HMGXB4: variants seen among roughly 807,000 people sequenced by gnomAD.
HMGXB4 encodes the protein HMG domain-containing protein 4.
In HMGXB4, 27 loss-of-function variants were observed where a neutral mutation model predicts 63.9. The ratio of observed to expected loss-of-function variants is 0.42; its 90% CI spans 0.31 to 0.58. The LOEUF is 0.58. HMGXB4 is among the 20% of genes least tolerant of loss of function. The pLI is 0.13. For missense variants in HMGXB4, 624 were observed against 700.7 expected (o/e 0.89, Z 1.24); for synonymous variants, 264 against 265.3 (o/e 0.99, Z 0.05).
chr22:35,246,475 G>A, the HMGXB4 span, among the ~76,000 whole-genome samples: 9 of 152,116 alleles, frequency 5.9e-5, no homozygotes, highest in East Asian at 1.9e-4. Flanking sequence ...GGGTTTCACC[G>A]TGTTAGCCAG....
chr22:35,267,424 C>T (rs1471548436), intron 5 of HMGXB4, among the ~76,000 whole-genome samples: 3 of 152,094 alleles, frequency 2.0e-5, no homozygotes, highest in East Asian at 1.9e-4. Flanking sequence ...TGCTGAATGT[C>T]GGAGCACAGG....
At chr22:35,259,428 A>G (rs1185075229) in intron 1 of HMGXB4, among the ~76,000 whole-genome samples, 1 of 152,212 alleles carries the variant, frequency 6.6e-6, no homozygotes, top group East Asian at 1.9e-4. Flanking sequence ...TCCCTTTTCT[A>G]ATGTGAAAAT....
chr22:35,248,641 G>A, the HMGXB4 span, among the ~76,000 whole-genome samples: 1 of 152,036 alleles, frequency 6.6e-6, no homozygotes, highest in Non-Finnish European at 1.5e-5. Context: ...CTGAGCTCAG[G>A]CAATCCACCC....
At chr22:35,290,007 G>A (rs1172633235) in intron 9 of HMGXB4, among the ~76,000 whole-genome samples, 1 of 152,174 alleles carries the variant, frequency 6.6e-6, no homozygotes, top group Non-Finnish European at 1.5e-5. Flanking sequence ...AAGAGCTGAA[G>A]CTATATCTAA....
At chr22:35,289,229 CAGG>C (rs1924786349) in intron 9 of HMGXB4, among the ~76,000 whole-genome samples, 1 of 151,996 alleles carries the variant, frequency 6.6e-6, no homozygotes, top group South Asian at 2.1e-4. Flanking sequence ...GAGACCAAGG[CAGG>C]AGGATCGCTT....
chr22:35,279,213 C>A (rs2146426460), intron 5 of HMGXB4, among the ~76,000 whole-genome samples: 1 of 121,060 alleles, frequency 8.3e-6, no homozygotes, highest in Admixed American at 1.1e-4. Flanking sequence ...ATGGCACAAT[C>A]TCGGCTCACC....
At chr22:35,249,990 A>G in the HMGXB4 span, among the ~76,000 whole-genome samples, 10 of 98,076 alleles carry the variant, frequency 1.0e-4, 4 homozygotes, top group Non-Finnish European at 2.0e-4. Flanking sequence ...CATGTTCCCA[A>G]CCTTCCCTGA....
intron 5 of HMGXB4, among the ~76,000 whole-genome samples, chr22:35,267,810 T>C (rs1311422627): frequency 6.6e-6 from 1 of 152,266 alleles, no homozygotes; most frequent in Non-Finnish European, 1.5e-5. Context: ...TGCTTTATCA[T>C]ATACCTGCCC....
Position 35,273,530 on chromosome 22 carries a change from T to TA in HMGXB4, c.1215+7928dup, listed in dbSNP as rs144014918. On this transcript the variant is annotated intron_variant, in intron 5 of 10. Transcript: ENST00000216106. Reference sequence around the variant, plus strand: ...GCATGGCTTAGTAAATGTCAGCTGTTACAGTTACTTTCGCTTACGTCTTAA... The same window carrying TA: ...GCATGGCTTAGTAAATGTCAGCTGTTAACAGTTACTTTCGCTTACGTCTTAA... Among the ~76,000 whole-genome samples, 9 of 152,370 alleles carry TA rather than the reference T, an allele frequency of 5.9e-5. No individual in the cohort carries two copies. The East Asian group carries it at 1.5e-3, about 26-fold the overall frequency.
chr22:35,282,271 G>C (rs1280857976), intron 5 of HMGXB4, among the ~76,000 whole-genome samples: 4 of 152,162 alleles, frequency 2.6e-5, no homozygotes, highest in Non-Finnish European at 5.9e-5. Flanking sequence ...CCACCTCCCG[G>C]GTTCACACCA....
chr22:35,279,324 T>A (rs1482356283), intron 5 of HMGXB4, among the ~76,000 whole-genome samples: 1 of 151,862 alleles, frequency 6.6e-6, no homozygotes, highest in Non-Finnish European at 1.5e-5. Context: ...AATTTTGTAT[T>A]TTTAGTAGAG....
rs778301226 is a variant in HMGXB4, at chr22:35,295,769, G to T, written c.*2118G>T. Reference sequence around the variant, plus strand: ...CAGTTGTATAAAGAAATAAAATTTTGTACTTATATTATTAAAAATCACATT... The same window carrying T: ...CAGTTGTATAAAGAAATAAAATTTTTTACTTATATTATTAAAAATCACATT... On this transcript the variant is annotated 3_prime_UTR_variant, in exon 11 of 11. Coordinates refer to ENST00000216106, the MANE Select transcript of HMGXB4 (RefSeq NM_001003681.3). 8 of 152,400 alleles carry T rather than the reference G, an allele frequency of 5.2e-5. No homozygotes were observed. The highest frequency in any genetic ancestry group is 1.0e-4 in the Non-Finnish European group (7 of 68,006). 9.4% of individuals were successfully genotyped at this position (152,400 alleles called of 1,614,324 possible). A position where few individuals can be genotyped will look rare whatever the true frequency, so the allele number is the denominator to read the frequency against.
intron 5 of HMGXB4, among the ~76,000 whole-genome samples, chr22:35,271,535 T>C (rs1384335512): frequency 6.6e-6 from 1 of 152,204 alleles, no homozygotes; most frequent in East Asian, 1.9e-4. Flanking sequence ...CCTGGCTCTA[T>C]TCACCCACTT....
At chr22:35,248,977 G>A in the HMGXB4 span, among the ~76,000 whole-genome samples, 1 of 152,186 alleles carries the variant, frequency 6.6e-6, no homozygotes, top group African/African-American at 2.4e-5. Flanking sequence ...AAATGAATGT[G>A]AAGGCCTAGG....
At chr22:35,289,702 C>T (rs1433538195) in intron 9 of HMGXB4, among the ~76,000 whole-genome samples, 1 of 152,178 alleles carries the variant, frequency 6.6e-6, no homozygotes, top group Non-Finnish European at 1.5e-5. Flanking sequence ...TGCTATATGC[C>T]CTGGGGAGAT....
At chr22:35,291,286 T>C (rs1372003310) in intron 9 of HMGXB4, among the ~76,000 whole-genome samples, 2 of 151,642 alleles carry the variant, frequency 1.3e-5, no homozygotes, top group East Asian at 3.9e-4. Flanking sequence ...AAAATAAAAA[T>C]TGTGCGTGTG....
the HMGXB4 span, among the ~76,000 whole-genome samples, chr22:35,244,210 T>C: frequency 6.6e-6 from 1 of 152,142 alleles, no homozygotes; most frequent in East Asian, 1.9e-4. Context: ...TTTGTTGTAG[T>C]CCCATGAATT....
chr22:35,287,115 G>A (rs1924634342), intron 7 of HMGXB4: 1 of 445,058 alleles, frequency 2.2e-6, no homozygotes, highest in Non-Finnish European at 4.1e-6. Flanking sequence ...AATCAGTGCC[G>A]AGATTTGACC....
intron 5 of HMGXB4, among the ~76,000 whole-genome samples, chr22:35,277,986 C>T (rs1924014697): frequency 1.3e-5 from 2 of 152,214 alleles, no homozygotes; most frequent in South Asian, 2.1e-4. Context: ...AGTATTTTCA[C>T]TGCCCTAAAA....
Sources: gnomAD v4.1 joint callset for allele counts (sites outside exome capture counted in the v4.1 genomes callset) on GRCh38, gnomAD v4.1.1 for gene constraint, MANE v1.5 for transcripts, NCBI Gene and HGNC (gene_info 2026-07-23, HGNC 2026-07-21) for gene names.